Variants in SPEF2 observed in about 807,000 individuals in gnomAD.
SPEF2 encodes sperm flagella and cilia-associated protein 2.
A neutral mutation model predicts 224.6 loss-of-function variants in SPEF2; 187 were observed. The ratio of observed to expected loss-of-function variants is 0.83; its 90% CI spans 0.74 to 0.94. The LOEUF (loss-of-function observed/expected upper bound fraction) is 0.94, where lower values mean the gene tolerates loss of function less well. SPEF2 is among the 40% of genes least tolerant of loss of function. SPEF2 has a pLI of 0.00. For synonymous variants in SPEF2, 715 were observed against 707.3 expected (o/e 1.01, Z -0.17); for missense variants, 2,170 against 2,135.6 (o/e 1.02, Z -0.32).
chr5:35,685,372 C>A (rs776071871), intron 10 of SPEF2, among the ~76,000 whole-genome samples: 20 of 152,050 alleles, frequency 1.3e-4, no homozygotes, highest in Non-Finnish European at 1.8e-4. Context: ...ATAGCACTTA[C>A]CAAAGTTGAC....
At chr5:35,717,342 C>T (rs1450524755) in intron 20 of SPEF2, among the ~76,000 whole-genome samples, 2 of 152,112 alleles carry the variant, frequency 1.3e-5, no homozygotes, top group Non-Finnish European at 2.9e-5. Flanking sequence ...GAAATCATGC[C>T]ATCTTTAGTT....
chr5:35,729,466 C>T (rs776600801), intron 21 of SPEF2, among the ~76,000 whole-genome samples: 1 of 152,184 alleles, frequency 6.6e-6, no homozygotes, highest in African/African-American at 2.4e-5. Flanking sequence ...TCCTGAAGTA[C>T]TTACGTACAT....
chr5:35,679,380 CTG>C (rs763497384), intron 10 of SPEF2, among the ~76,000 whole-genome samples: 25 of 152,080 alleles, frequency 1.6e-4, no homozygotes, highest in Non-Finnish European at 2.6e-4. Context: ...ATGATCAAAA[CTG>C]AGATTGGGTG....
At chr5:35,623,387 G>A (rs993876409) in intron 1 of SPEF2, among the ~76,000 whole-genome samples, 3 of 152,102 alleles carry the variant, frequency 2.0e-5, no homozygotes, top group South Asian at 2.1e-4. Context: ...GTGCAGGCTC[G>A]ATCTTTCCTA....
chr5:35,780,518 A>G (rs1293726398), intron 30 of SPEF2, among the ~76,000 whole-genome samples: 1 of 152,178 alleles, frequency 6.6e-6, no homozygotes, highest in Non-Finnish European at 1.5e-5. Flanking sequence ...CACGAAGGAA[A>G]CATGGCCATC....
In SPEF2 at chr5:35,796,976, G is replaced by A. The variant is rs1281782298; in HGVS notation, c.4830+1181G>A. 2.0e-5 allele frequency among the ~76,000 whole-genome samples: 3 copies of A among 152,216 alleles called. No homozygotes were observed. In the East Asian group the frequency reaches 5.8e-4, roughly 29 times the overall value. Reference sequence around the variant, plus strand: ...TGGGGGACTGAAAACCAATTATCCTGGAGCGTTTTGGAATGGTCTGTATAT... The same window carrying A: ...TGGGGGACTGAAAACCAATTATCCTAGAGCGTTTTGGAATGGTCTGTATAT... On this transcript the variant is annotated intron_variant, in intron 33 of 36. Transcript: ENST00000356031.
chr5:35,797,760 T>A (rs550220363), intron 33 of SPEF2, among the ~76,000 whole-genome samples: 1 of 152,326 alleles, frequency 6.6e-6, no homozygotes, highest in African/African-American at 2.4e-5. Context: ...TTTACTTATT[T>A]GGCTGTAATT....
intron 30 of SPEF2, among the ~76,000 whole-genome samples, chr5:35,783,259 G>A (rs1229037249): frequency 6.6e-6 from 1 of 152,164 alleles, no homozygotes; most frequent in Non-Finnish European, 1.5e-5. Context: ...TGATGGGATG[G>A]CTAGAGTCAA....
chr5:35,682,708 G>A (rs933885591), intron 10 of SPEF2, among the ~76,000 whole-genome samples: 6 of 152,186 alleles, frequency 3.9e-5, no homozygotes, highest in African/African-American at 9.6e-5. Flanking sequence ...TAGGTGCTCT[G>A]AGATTTTATG....
At chr5:35,800,420 T>C (rs1190720158) in intron 34 of SPEF2, among the ~76,000 whole-genome samples, 1 of 152,196 alleles carries the variant, frequency 6.6e-6, no homozygotes, top group Admixed American at 6.5e-5. Flanking sequence ...TGGCCTTTAT[T>C]TGGCATGAGT....
intron 10 of SPEF2, among the ~76,000 whole-genome samples, chr5:35,676,384 T>G (rs1334066976): frequency 6.6e-6 from 1 of 152,140 alleles, no homozygotes. Flanking sequence ...ATTCAATCAA[T>G]TCCTCGGAAT....
intron 20 of SPEF2, among the ~76,000 whole-genome samples, chr5:35,720,452 A>G (rs1429957641): frequency 2.0e-5 from 3 of 152,164 alleles, no homozygotes; most frequent in Non-Finnish European, 4.4e-5. Flanking sequence ...ACAATCTCCA[A>G]AGTTATCAGA....
intron 21 of SPEF2, among the ~76,000 whole-genome samples, chr5:35,737,920 A>AT (rs1746904923): frequency 1.3e-5 from 2 of 152,090 alleles, no homozygotes; most frequent in Non-Finnish European, 2.9e-5. Flanking sequence ...CTGGTGTGAG[A>AT]TGGTATCTCA....
At chr5:35,666,420 G>A (rs1750467729) in intron 8 of SPEF2, among the ~76,000 whole-genome samples, 1 of 152,150 alleles carries the variant, frequency 6.6e-6, no homozygotes, top group Non-Finnish European at 1.5e-5. Flanking sequence ...TAAGGAGAGG[G>A]CGATAACAAG....
chr5:35,634,429 C>G (rs1381052733), intron 2 of SPEF2, among the ~76,000 whole-genome samples: 1 of 152,004 alleles, frequency 6.6e-6, no homozygotes, highest in Non-Finnish European at 1.5e-5. Context: ...TTTTAAGATT[C>G]TCTCTGTCTT....
At chr5:35,805,802 T>C (rs572820174) in intron 34 of SPEF2, among the ~76,000 whole-genome samples, 4 of 152,290 alleles carry the variant, frequency 2.6e-5, no homozygotes, top group South Asian at 2.1e-4. Flanking sequence ...TCCTACTGCA[T>C]GTACTACTTT....
Position 35,763,673 on chromosome 5 carries a change from C to A in SPEF2, c.3772C>A (p.Gln1258Lys), listed in dbSNP as rs199639104. 24 of 1,612,414 alleles carry A rather than the reference C, an allele frequency of 1.5e-5. No homozygotes were observed. Among genetic ancestry groups the A allele is most frequent in the Non-Finnish European group, 1.9e-5 (22 of 1,179,544 alleles). Residue 1258 changes from glutamine (Q) to lysine (K), a missense_variant, in exon 26 of 37, where the codon CAG (glutamine) becomes AAG (lysine). Gln to Lys is a moderately conservative substitution (Grantham distance 53). Coordinates refer to ENST00000356031, the MANE Select transcript of SPEF2 (RefSeq NM_024867.4). ...ADEKLVMDTW[Q>K]QASLAVSHMV... Reference sequence around the variant, plus strand: ...TGAAAAGTTGGTCATGGACACCTGGCAGCAGGCTTCTTTAGCAGTATCTCA... The same window carrying A: ...TGAAAAGTTGGTCATGGACACCTGGAAGCAGGCTTCTTTAGCAGTATCTCA...
At chr5:35,765,482 G>C (rs1463151823) in intron 26 of SPEF2, among the ~76,000 whole-genome samples, 1 of 152,100 alleles carries the variant, frequency 6.6e-6, no homozygotes, top group Non-Finnish European at 1.5e-5. Flanking sequence ...AAAGCTAGTA[G>C]ACAATACTAT....
intron 6 of SPEF2, among the ~76,000 whole-genome samples, chr5:35,650,559 G>C (rs940978470): frequency 5.3e-5 from 8 of 152,120 alleles, no homozygotes; most frequent in Non-Finnish European, 1.0e-4. Flanking sequence ...TGAATACTTT[G>C]CTACTTGGTG....
Sources: allele counts gnomAD v4.1 joint callset (sites outside exome capture counted in the v4.1 genomes callset), GRCh38; gene constraint gnomAD v4.1.1; transcripts MANE v1.5; gene names NCBI Gene and HGNC (gene_info 2026-07-23, HGNC 2026-07-21).